EVA1C: variants seen among roughly 807,000 people sequenced by gnomAD.
EVA1C encodes the protein eva-1 homolog C.
EVA1C carries 25 observed loss-of-function variants against 45.4 expected under a neutral mutation model. The ratio of observed to expected loss-of-function variants is 0.55; its 90% CI spans 0.40 to 0.77. The LOEUF (loss-of-function observed/expected upper bound fraction) is 0.77. EVA1C is among the 30% of genes least tolerant of loss of function. The pLI, the probability that EVA1C is intolerant of heterozygous loss-of-function variation, is 0.00. For synonymous variants in EVA1C, 190 were observed against 221.2 expected (o/e 0.86, Z 1.25); for missense variants, 479 against 554.8 (o/e 0.86, Z 1.37).
chr21:32,477,612 CAT>C (rs1232949088), intron 4 of EVA1C, among the ~76,000 whole-genome samples: 4 of 151,976 alleles, frequency 2.6e-5, no homozygotes, highest in Non-Finnish European at 4.4e-5. Context: ...TTTCTCCCCA[CAT>C]GAGTCTCTTA....
chr21:32,438,605 T>C (rs540666993), intron 1 of EVA1C, among the ~76,000 whole-genome samples: 2 of 151,816 alleles, frequency 1.3e-5, no homozygotes, highest in African/African-American at 4.8e-5. Flanking sequence ...CCATGTGTAG[T>C]AGCAGCCATT....
At position 32,504,142 on chromosome 21, in the gene EVA1C, C is replaced by T. The variant is rs1601055430; in HGVS notation, c.949+127C>T. On this transcript the variant is annotated intron_variant, in intron 7 of 7. Transcript: ENST00000300255. ...ATGACTTCAAGTTTAACATGCCAAC[C>T]ACCACTTCTAAGATTCAGAAACACA... 6 of 663,654 alleles carry T rather than the reference C, an allele frequency of 9.0e-6. No homozygotes were observed. The Admixed American group carries it at 1.7e-4, about 19-fold the overall frequency. 41.1% of individuals were successfully genotyped at this position (663,654 alleles called of 1,614,324 possible).
intron 4 of EVA1C, among the ~76,000 whole-genome samples, chr21:32,488,659 C>T (rs142603673): frequency 0.016 from 2,352 of 151,480 alleles, 21 homozygotes; most frequent in Non-Finnish European, 0.025. Flanking sequence ...AATCTCAGCT[C>T]ACTGCAACCT....
In EVA1C at chr21:32,507,912, T is replaced by C. The variant is rs888791894; in HGVS notation, c.949+3897T>C. On this transcript the variant is annotated intron_variant, in intron 7 of 7. Transcript: ENST00000300255. The stretch of plus-strand genomic sequence containing the variant: ...ATCTGTGCATGTGTGTATCTGTGTG[T>C]GTGCGTGTGTGCCTGTATGTGTATC... 3.3e-5 allele frequency among the ~76,000 whole-genome samples: 5 copies of C among 150,256 alleles called. No individual in the cohort carries two copies. In the South Asian group the frequency reaches 8.5e-4, roughly 26 times the overall value.
chr21:32,507,710 G>A (rs56278911), intron 7 of EVA1C, among the ~76,000 whole-genome samples: 71,873 of 151,422 alleles, frequency 0.47, 19,113 homozygotes, highest in African/African-American at 0.71. Context: ...ATGTGCACGT[G>A]TGTGTGCATG....
intron 4 of EVA1C, among the ~76,000 whole-genome samples, chr21:32,490,811 T>C (rs1418656422): frequency 6.6e-6 from 1 of 152,202 alleles, no homozygotes; most frequent in African/African-American, 2.4e-5. Context: ...GATAATCCAC[T>C]TCAAGACTTT....
chr21:32,458,090 G>A lies in EVA1C; in HGVS notation c.481+370G>A, dbSNP rs2035855596. On this transcript the variant is annotated intron_variant, in intron 3 of 7. Transcript: ENST00000300255. The stretch of plus-strand genomic sequence containing the variant: ...GTTCTGCGTTTCAGAGGTGTCTTGT[G>A]CTGAGATTGAGAGGCTGCCTGTTTT... Among the ~76,000 whole-genome samples, 3 of 152,156 alleles carry A rather than the reference G, an allele frequency of 2.0e-5. 1 individual carries two copies. Among genetic ancestry groups the A allele is most frequent in the South Asian group, 4.1e-4 (2 of 4,828 alleles).
At chr21:32,501,925 CCCTT>C (rs957688017) in intron 6 of EVA1C, among the ~76,000 whole-genome samples, 2 of 151,782 alleles carry the variant, frequency 1.3e-5, no homozygotes, top group Non-Finnish European at 2.9e-5. Context: ...TTTCCTTCCT[CCCTT>C]CCTTCCTTCC....
At chr21:32,445,511 C>G (rs2035332015) in intron 1 of EVA1C, among the ~76,000 whole-genome samples, 1 of 152,160 alleles carries the variant, frequency 6.6e-6, no homozygotes, top group African/African-American at 2.4e-5. Context: ...ACCCAGTTCC[C>G]AGCTTGACTG....
chr21:32,500,190 ATTTTTTTTTTTT>A (rs538897939), intron 5 of EVA1C, among the ~76,000 whole-genome samples: 1 of 91,102 alleles, frequency 1.1e-5, no homozygotes, highest in Admixed American at 1.5e-4. Flanking sequence ...TAACCACCCT[ATTTTTTTTTTTT>A]TTTTTTTTTT....
chr21:32,443,276 C>T (rs574028927), intron 1 of EVA1C, among the ~76,000 whole-genome samples: 3 of 152,306 alleles, frequency 2.0e-5, no homozygotes, highest in Admixed American at 6.5e-5. Flanking sequence ...GGTACAGTGG[C>T]TCATGCCTGC....
rs544492074 is a variant in EVA1C at position 32,460,009 on chromosome 21, T to C, written c.481+2289T>C. 2.0e-5 allele frequency among the ~76,000 whole-genome samples: 3 copies of C among 152,334 alleles called. No individual in the cohort carries two copies. In the East Asian group the frequency reaches 5.8e-4, roughly 29 times the overall value. On this transcript the variant is annotated intron_variant, in intron 3 of 7. Transcript: ENST00000300255. Reference sequence around the variant, plus strand: ...GCCTCTAAGAGAAGTCAAATGACCTTTGTAAAATTGACCGAACCTCGGATA... The same window carrying C: ...GCCTCTAAGAGAAGTCAAATGACCTCTGTAAAATTGACCGAACCTCGGATA...
Position 32,412,841 on chromosome 21 carries a change from C to G in EVA1C, c.-13C>G. 5 of 1,429,572 alleles carry G rather than the reference C, an allele frequency of 3.5e-6. No individual in the cohort carries two copies. The highest frequency in any genetic ancestry group is 1.4e-5 in the South Asian group (1 of 69,006). The allele number at this position is 1,429,572 out of a possible 1,614,324, so 88.6% of individuals were successfully genotyped here. On this transcript the variant is annotated 5_prime_UTR_variant, in exon 1 of 8. Transcript: ENST00000300255. The stretch of plus-strand genomic sequence containing the variant: ...TCCCGGGCCTGCGCCTCCGCCCCGC[C>G]GCGCAGCGCACGATGCTTCTGCCGG...
At position 32,510,560 on chromosome 21, in the gene EVA1C, G is replaced by A. The variant is rs1337272217; in HGVS notation, c.950-4254G>A. Among the ~76,000 whole-genome samples, 7 of 152,166 alleles carry A rather than the reference G, an allele frequency of 4.6e-5. No homozygotes were observed. In the East Asian group the frequency reaches 1.3e-3, roughly 29 times the overall value. On this transcript the variant is annotated intron_variant, in intron 7 of 7. Coordinates refer to ENST00000300255, the MANE Select transcript of EVA1C (RefSeq NM_058187.5). Reference sequence around the variant, plus strand: ...TTATATTTGCAACAGAGACCATATGGCCCATAAACCTGCAATAGTTCCTAT... The same window carrying A: ...TTATATTTGCAACAGAGACCATATGACCCATAAACCTGCAATAGTTCCTAT...
At chr21:32,463,263 C>T (rs1446055406) in intron 3 of EVA1C, among the ~76,000 whole-genome samples, 2 of 152,172 alleles carry the variant, frequency 1.3e-5, no homozygotes, top group African/African-American at 4.8e-5. Flanking sequence ...GTTCTACCTT[C>T]CCAGGCCCCT....
At chr21:32,469,542 T>A (rs2146308580) in intron 4 of EVA1C, among the ~76,000 whole-genome samples, 1 of 152,304 alleles carries the variant, frequency 6.6e-6, no homozygotes, top group South Asian at 2.1e-4. Context: ...AGCCCTCCTA[T>A]ATGATTCAGA....
rs565746543 is a variant in EVA1C, at chr21:32,503,398, T to G, written c.860-528T>G. 3.3e-5 allele frequency among the ~76,000 whole-genome samples: 5 copies of G among 152,168 alleles called. No individual in the cohort carries two copies. The South Asian group carries it at 1.0e-3, about 32-fold the overall frequency. On this transcript the variant is annotated intron_variant, in intron 6 of 7. Coordinates refer to ENST00000300255, the MANE Select transcript of EVA1C (RefSeq NM_058187.5). ...CCATCTCTAATAAAAATACAAAAAT[T>G]TGCTGGGCATGGTGGCACGTGCCTG...
chr21:32,511,014 T>G (rs899606549), intron 7 of EVA1C, among the ~76,000 whole-genome samples: 2 of 151,690 alleles, frequency 1.3e-5, no homozygotes, highest in African/African-American at 4.9e-5. Flanking sequence ...CACTCCAGCC[T>G]GGGTGACAAA....
chr21:32,416,846 T>C (rs1034169988), intron 1 of EVA1C, among the ~76,000 whole-genome samples: 1 of 152,170 alleles, frequency 6.6e-6, no homozygotes, highest in Admixed American at 6.5e-5. Flanking sequence ...GTGGTGAATG[T>C]GAGAAGTAGA....
Sources: allele counts gnomAD v4.1 joint callset (sites outside exome capture counted in the v4.1 genomes callset), GRCh38; gene constraint gnomAD v4.1.1; transcripts MANE v1.5; gene names NCBI Gene and HGNC (gene_info 2026-07-23, HGNC 2026-07-21).